HEATR5B: variants seen among roughly 807,000 people sequenced by gnomAD.
HEATR5B encodes the protein HEAT repeat containing 5B.
HEATR5B carries 156 observed loss-of-function variants against 224.1 expected under a neutral mutation model. The observed-to-expected ratio is 0.70, with a 90% CI of 0.61 to 0.80. The LOEUF is 0.80. Among genes scored for constraint, HEATR5B ranks in the 30% least tolerant of loss-of-function variants. The pLI, the probability that HEATR5B is intolerant of heterozygous loss-of-function variation, is 0.00. For missense variants in HEATR5B, 2,323 were observed against 2,535.5 expected (o/e 0.92, Z 1.80); for synonymous variants, 1,027 against 893.0 (o/e 1.15, Z -2.68).
At chr2:37,013,173 T>A (rs909845105) in intron 27 of HEATR5B, among the ~76,000 whole-genome samples, 1 of 152,234 alleles carries the variant, frequency 6.6e-6, no homozygotes, top group Non-Finnish European at 1.5e-5. Context: ...TGGTTTCACT[T>A]TCTATGGTTT....
At chr2:37,025,577 G>C (rs1014266914) in intron 24 of HEATR5B, among the ~76,000 whole-genome samples, 1 of 151,142 alleles carries the variant, frequency 6.6e-6, no homozygotes, top group African/African-American at 2.4e-5. Context: ...GGAGGTGGGA[G>C]AAACGTAGAC....
At position 37,028,841 on chromosome 2, in the gene HEATR5B, A is replaced by G. The variant is rs772127784; in HGVS notation, c.3441T>C (p.Thr1147=). The G allele has an allele frequency of 5.6e-6, 9 of 1,614,006 alleles. No homozygotes were observed. Among genetic ancestry groups the G allele is most frequent in the Non-Finnish European group, 2.5e-6 (3 of 1,179,988 alleles). ...TTCCAAAAAGAAGTCCCTCAAGACC[A>G]GTTTCTGTTATATTAACACCTTGGT... ...CRHQGVNITE[T]GLEGLLFGML... is the part of the protein sequence containing the mutation. The change falls in exon 23 of 36, where the codon ACT becomes ACC. Residue 1147 remains threonine, a synonymous_variant. Coordinates refer to ENST00000233099, the MANE Select transcript of HEATR5B (RefSeq NM_019024.3).
At chr2:37,059,055 G>C in intron 12 of HEATR5B, 68 bp from the exon 13 acceptor site, 1 of 960,750 alleles carries the variant, frequency 1.0e-6, no homozygotes, top group Non-Finnish European at 1.6e-6. Flanking sequence ...TTATAAAATT[G>C]TATAAATATA....
At chr2:37,047,123 T>A (rs561899684) in intron 18 of HEATR5B, among the ~76,000 whole-genome samples, 193 of 149,480 alleles carry the variant, frequency 1.3e-3, no homozygotes, top group Non-Finnish European at 2.2e-3. Flanking sequence ...GTGAGAGGGC[T>A]GCTTTAGCCA....
At position 37,079,158 on chromosome 2, in the gene HEATR5B, T is replaced by C. The variant is rs763822118; in HGVS notation, c.300A>G (p.Arg100=). 41 of 1,609,092 alleles carry C rather than the reference T, an allele frequency of 2.5e-5. No homozygotes were observed. The highest frequency in any genetic ancestry group is 7.7e-6 in the Non-Finnish European group (9 of 1,176,386). ...QTLDKCNDII[R]NKDDTAAYLP... is the part of the protein sequence containing the mutation. The stretch of plus-strand genomic sequence containing the variant: ...AGTAGGCCGCAGTGTCATCTTTATT[T>C]CTGATAATGTCATTGCATTTATCAA... The change falls in exon 3 of 36, where the codon AGA becomes AGG. Residue 100 remains arginine (R), a synonymous_variant. Transcript: ENST00000233099.
chr2:37,031,043 A>C (rs1669097053), intron 22 of HEATR5B, among the ~76,000 whole-genome samples: 2 of 152,226 alleles, frequency 1.3e-5, no homozygotes, highest in Non-Finnish European at 2.9e-5. Context: ...CCCAATAAAA[A>C]CATTGGGCAT....
At chr2:37,043,924 T>A (rs1286418214) in intron 18 of HEATR5B, among the ~76,000 whole-genome samples, 2 of 152,230 alleles carry the variant, frequency 1.3e-5, no homozygotes, top group African/African-American at 2.4e-5. Context: ...TTATTTTTTT[T>A]AAATAGAAAT....
chr2:37,077,286 C>G (rs1672294623), intron 3 of HEATR5B, among the ~76,000 whole-genome samples: 1 of 151,772 alleles, frequency 6.6e-6, no homozygotes, highest in African/African-American at 2.4e-5. Context: ...CATACCCATT[C>G]TTTGGGAAGA....
chr2:37,018,794 G>C (rs1668283117), intron 26 of HEATR5B, among the ~76,000 whole-genome samples: 1 of 152,156 alleles, frequency 6.6e-6, no homozygotes, highest in Non-Finnish European at 1.5e-5. Flanking sequence ...TAAAAGATTA[G>C]AGCTTAATAC....
intron 28 of HEATR5B, among the ~76,000 whole-genome samples, chr2:37,007,926 T>C (rs956947986): frequency 7.9e-5 from 12 of 152,208 alleles, no homozygotes; most frequent in Non-Finnish European, 1.6e-4. Flanking sequence ...CCTATCATCT[T>C]CTCTTTCTAT....
chr2:36,999,615 G>T (rs998415226), intron 33 of HEATR5B, among the ~76,000 whole-genome samples: 1 of 151,874 alleles, frequency 6.6e-6, no homozygotes, highest in East Asian at 1.9e-4. Context: ...GGAGGCAAAG[G>T]TTGCAGTGAG....
In HEATR5B at chr2:37,084,306, G is replaced by T. The variant is rs1230020135; in HGVS notation, c.-60C>A. The T allele has an allele frequency of 5.0e-6, 2 of 398,216 alleles. No homozygotes were observed. The highest frequency in any genetic ancestry group is 8.8e-6 in the Non-Finnish European group (2 of 226,806). 24.7% of individuals were successfully genotyped at this position (398,216 alleles called of 1,614,324 possible). A position where few individuals can be genotyped will look rare whatever the true frequency, so the allele number is the denominator to read the frequency against. On this transcript the variant is annotated 5_prime_UTR_variant, in exon 1 of 36. Coordinates refer to ENST00000233099, the MANE Select transcript of HEATR5B (RefSeq NM_019024.3). ...AAGGGAAGATCAGCTGAGCTCCGGG[G>T]GTAGAAGCAGCCACCAAGAGACCCG... is the stretch of plus-strand genomic sequence containing the variant.
chr2:37,070,455 T>A, intron 6 of HEATR5B, 68 bp from the exon 7 acceptor site: 6 of 1,221,742 alleles, frequency 4.9e-6, no homozygotes, highest in Non-Finnish European at 3.5e-6. Flanking sequence ...ATAATTCAAG[T>A]AATTATTTTT....
At chr2:36,984,074 C>A (rs1665763632) in intron 35 of HEATR5B, among the ~76,000 whole-genome samples, 1 of 149,038 alleles carries the variant, frequency 6.7e-6, no homozygotes, top group Non-Finnish European at 1.5e-5. Context: ...GTGGCAGGCG[C>A]CTGTAATCCC....
In HEATR5B at chr2:37,067,702, G is replaced by T. The variant is rs536058192; in HGVS notation, c.1177+979C>A. ...CAGGAGAATAATTTGAACCTGAGAGGTGGAGGTTGTAGTGAGCCAAGATCG... is the reference window on the plus strand; with the variant it reads ...CAGGAGAATAATTTGAACCTGAGAGTTGGAGGTTGTAGTGAGCCAAGATCG... On this transcript the variant is annotated intron_variant, in intron 8 of 35. Coordinates refer to ENST00000233099, the MANE Select transcript of HEATR5B (RefSeq NM_019024.3). 1.6e-4 allele frequency among the ~76,000 whole-genome samples: 25 copies of T among 152,300 alleles called. 1 individual carries two copies. The South Asian group carries it at 5.0e-3, about 30-fold the overall frequency.
chr2:37,075,868 T>C, intron 4 of HEATR5B: 1 of 303,064 alleles, frequency 3.3e-6, no homozygotes, highest in Admixed American at 4.8e-5. Context: ...TTCCAATATT[T>C]CTATGAATTA....
chr2:37,057,715 A>T (rs912129638), intron 14 of HEATR5B, among the ~76,000 whole-genome samples: 2 of 152,112 alleles, frequency 1.3e-5, no homozygotes, highest in Non-Finnish European at 2.9e-5. Flanking sequence ...AAAAAACTCA[A>T]ATAGAGGAAA....
intron 24 of HEATR5B, 108 bp downstream of exon 24, chr2:37,027,815 G>A (rs1189133751): frequency 2.8e-6 from 3 of 1,083,060 alleles, no homozygotes; most frequent in African/African-American, 3.2e-5. Context: ...ATAAATAAAT[G>A]GCATATTCTA....
At chr2:36,991,850 C>A (rs1472776893) in intron 33 of HEATR5B, among the ~76,000 whole-genome samples, 1 of 151,970 alleles carries the variant, frequency 6.6e-6, no homozygotes, top group Non-Finnish European at 1.5e-5. Flanking sequence ...AATAAGGGTA[C>A]CAGCTTTTTG....
Sources: gnomAD v4.1 joint callset for allele counts (sites outside exome capture counted in the v4.1 genomes callset) on GRCh38, gnomAD v4.1.1 for gene constraint, MANE v1.5 for transcripts, NCBI Gene and HGNC (gene_info 2026-07-23, HGNC 2026-07-21) for gene names.